The following BMP6 variants were observed in gnomAD, a reference collection of about 807,000 sequenced individuals.
The protein encoded by BMP6 is bone morphogenetic protein 6.
In BMP6, 17 loss-of-function variants were observed where a neutral mutation model predicts 54.1. That is an observed-to-expected ratio of 0.31 (90% CI 0.22 to 0.47). The LOEUF is 0.47. Ranked by LOEUF, BMP6 falls within the 20% of genes least tolerant of loss-of-function variation. The pLI, the probability that BMP6 is intolerant of heterozygous loss-of-function variation, is 1.00. For missense variants in BMP6, 720 were observed against 690.4 expected (o/e 1.04, Z -0.48); for synonymous variants, 328 against 291.2 (o/e 1.13, Z -1.28).
chr6:7,832,104 A>T (rs1040254915), intron 1 of BMP6, among the ~76,000 whole-genome samples: 4 of 152,100 alleles, frequency 2.6e-5, no homozygotes, highest in African/African-American at 9.7e-5. Context: ...TCTTCATGGG[A>T]CCTTATAGAG....
At chr6:7,826,166 T>C (rs937574427) in intron 1 of BMP6, among the ~76,000 whole-genome samples, 1 of 152,210 alleles carries the variant, frequency 6.6e-6, no homozygotes, top group Admixed American at 6.5e-5. Flanking sequence ...CTTCTCTCTC[T>C]GTCTGCGAGT....
intron 1 of BMP6, among the ~76,000 whole-genome samples, chr6:7,786,618 G>A (rs1307374057): frequency 6.6e-6 from 1 of 152,054 alleles, no homozygotes; most frequent in African/African-American, 2.4e-5. Context: ...TAGCTGTTCT[G>A]TGAGTTAGAA....
At chr6:7,843,443 CT>C (rs66907363) in intron 1 of BMP6, among the ~76,000 whole-genome samples, 10,454 of 135,804 alleles carry the variant, frequency 0.077, 549 homozygotes, top group African/African-American at 0.16. Flanking sequence ...TCTTTTCTTT[CT>C]TTTTTTTTTT....
At chr6:7,736,949 A>G (rs1401477941) in intron 1 of BMP6, among the ~76,000 whole-genome samples, 1 of 152,168 alleles carries the variant, frequency 6.6e-6, no homozygotes, top group Non-Finnish European at 1.5e-5. Flanking sequence ...GCACTTTGGG[A>G]GGCCGAGGAC....
At chr6:7,856,120 TAAAAAAA>T (rs56264814) in intron 2 of BMP6, among the ~76,000 whole-genome samples, 18 of 83,664 alleles carry the variant, frequency 2.2e-4, no homozygotes, top group East Asian at 5.3e-4. Context: ...TCAAAGACTG[TAAAAAAA>T]AAAAAAAAAA....
At chr6:7,781,857 G>A (rs775615149) in intron 1 of BMP6, among the ~76,000 whole-genome samples, 2 of 151,456 alleles carry the variant, frequency 1.3e-5, no homozygotes, top group African/African-American at 2.4e-5. Flanking sequence ...TGAAAAGATA[G>A]GTGAGAAGTG....
chr6:7,842,495 T>A (rs563065029), intron 1 of BMP6, among the ~76,000 whole-genome samples: 32 of 152,334 alleles, frequency 2.1e-4, no homozygotes, highest in Non-Finnish European at 3.8e-4. Context: ...TCACACTTCT[T>A]AGATGACAGC....
chr6:7,827,004 A>G (rs1758707018), intron 1 of BMP6, among the ~76,000 whole-genome samples: 1 of 152,202 alleles, frequency 6.6e-6, no homozygotes, highest in African/African-American at 2.4e-5. Context: ...TTTGGTACAG[A>G]TCCACCACAA....
At chr6:7,735,185 C>T (rs1489862733) in intron 1 of BMP6, among the ~76,000 whole-genome samples, 1 of 152,224 alleles carries the variant, frequency 6.6e-6, no homozygotes, top group Non-Finnish European at 1.5e-5. Context: ...TTATCACTCT[C>T]CTGCCGCTTG....
intron 1 of BMP6, among the ~76,000 whole-genome samples, chr6:7,774,553 A>C (rs1291487889): frequency 6.6e-6 from 1 of 152,104 alleles, no homozygotes; most frequent in African/African-American, 2.4e-5. Flanking sequence ...CTCTGTCTCA[A>C]AACAAAACAA....
In BMP6 at chr6:7,769,751, T is replaced by C. The variant is rs1474785571; in HGVS notation, c.664+42132T>C. Among the ~76,000 whole-genome samples, 4 of 152,310 alleles carry C rather than the reference T, an allele frequency of 2.6e-5. No individual in the cohort carries two copies. In the South Asian group the frequency reaches 8.3e-4, roughly 32 times the overall value. ...TTAAAAGTCAAACGACAATCTATGA[T>C]GTAAAGAGGTTGATCTTGAATTTTT... is the stretch of plus-strand genomic sequence containing the variant. On this transcript the variant is annotated intron_variant, in intron 1 of 6. Transcript: ENST00000283147.
intron 4 of BMP6, among the ~76,000 whole-genome samples, chr6:7,870,639 C>CA (rs1404612497): frequency 6.6e-5 from 10 of 151,282 alleles, no homozygotes; most frequent in South Asian, 2.1e-4. Flanking sequence ...ACAACAACAA[C>CA]AACAAAAAAA....
intron 1 of BMP6, among the ~76,000 whole-genome samples, chr6:7,773,724 C>A (rs1757822468): frequency 6.6e-6 from 1 of 152,198 alleles, no homozygotes; most frequent in South Asian, 2.1e-4. Context: ...AGCCTTCTAG[C>A]TTAATTGAAT....
intron 1 of BMP6, among the ~76,000 whole-genome samples, chr6:7,758,743 C>T (rs1263717785): frequency 6.6e-6 from 1 of 152,204 alleles, no homozygotes; most frequent in Non-Finnish European, 1.5e-5. Context: ...CCTCGCAATT[C>T]TGGCATCCAG....
chr6:7,792,127 C>T (rs931186451), intron 1 of BMP6, among the ~76,000 whole-genome samples: 1 of 152,164 alleles, frequency 6.6e-6, no homozygotes, highest in African/African-American at 2.4e-5. Flanking sequence ...GTAGGGCAGG[C>T]TGTAAACTCA....
intron 1 of BMP6, among the ~76,000 whole-genome samples, chr6:7,812,972 GA>G (rs67331565): frequency 5.1e-5 from 7 of 137,906 alleles, no homozygotes; most frequent in Non-Finnish European, 7.7e-5. Flanking sequence ...CAAAGGTGAG[GA>G]AAAAAAAAAC....
In BMP6 at chr6:7,727,347, C is replaced by A. The variant is rs759273978; in HGVS notation, c.392C>A (p.Ser131Tyr). The change falls in exon 1 of 7, where the codon TCC becomes TAC. Residue 131 changes from serine (S) to tyrosine (Y), a missense_variant. Around this residue, in one of 3 missense-constraint regions of BMP6, gnomAD observed 650 missense variants for 556.3 expected, o/e 1.17. Coordinates refer to ENST00000283147, the MANE Select transcript of BMP6 (RefSeq NM_001718.6). Reference protein sequence around the residue: ...RGEPPPGRLKSAPLFMLDLYN... With the variant: ...RGEPPPGRLKYAPLFMLDLYN... ...GAGCCCCCTCCCGGGCGACTGAAGT[C>A]CGCGCCCCTCTTCATGCTGGATCTG... 1 of 1,609,976 alleles carries A rather than the reference C, an allele frequency of 6.2e-7. No homozygotes were observed. Among genetic ancestry groups the A allele is most frequent in the African/African-American group, 1.3e-5 (1 of 74,818 alleles).
intron 1 of BMP6, among the ~76,000 whole-genome samples, chr6:7,750,432 C>T (rs564201766): frequency 3.3e-5 from 5 of 152,250 alleles, no homozygotes; most frequent in African/African-American, 7.2e-5. Flanking sequence ...AACTGAAAGC[C>T]GAGCAGATAT....
intron 1 of BMP6, among the ~76,000 whole-genome samples, chr6:7,754,863 A>G (rs1289311133): frequency 1.3e-5 from 2 of 151,988 alleles, no homozygotes; most frequent in Admixed American, 1.3e-4. Context: ...GATTACAGGC[A>G]CTTGCCACCA....
Sources: allele counts gnomAD v4.1 joint callset (sites outside exome capture counted in the v4.1 genomes callset), GRCh38; gene constraint gnomAD v4.1.1; regional missense constraint gnomAD v4.1.1; transcripts MANE v1.5; gene names NCBI Gene and HGNC (gene_info 2026-07-23, HGNC 2026-07-21).